CRIPTO: variants seen among roughly 807,000 people sequenced by gnomAD.
CRIPTO encodes cripto, EGF-CFC family member.
the CRIPTO span, chr3:46,579,410 G>A: frequency 1.4e-5 from 23 of 1,613,766 alleles, no homozygotes; most frequent in Non-Finnish European, 1.9e-5. Context: ...GGCCCTTCAT[G>A]TGTCTCCTGA....
chr3:46,579,851 A>G, the CRIPTO span: 7 of 1,614,178 alleles, frequency 4.3e-6, no homozygotes, highest in Non-Finnish European at 5.9e-6. Context: ...ATGTGCGCAA[A>G]GAGTAAGCAA....
the CRIPTO span, chr3:46,579,484 C>T: frequency 5.1e-6 from 8 of 1,560,324 alleles, no homozygotes; most frequent in Non-Finnish European, 7.0e-6. Context: ...AGGTGCTGGA[C>T]TGCTTTTGGT....
At chr3:46,579,236 G>A in the CRIPTO span, 6 of 1,614,092 alleles carry the variant, frequency 3.7e-6, no homozygotes, top group South Asian at 6.6e-5. Flanking sequence ...GTTAAGGGCT[G>A]GGCCATCAGG....
chr3:46,581,484 C>T, the CRIPTO span: 1 of 610,462 alleles, frequency 1.6e-6, no homozygotes, highest in Non-Finnish European at 2.9e-6. Context: ...TCAGCCATAT[C>T]TCCATTGTGC....
the CRIPTO span, chr3:46,579,479 C>A: frequency 6.4e-7 from 1 of 1,568,780 alleles, no homozygotes; most frequent in South Asian, 1.1e-5. Context: ...TGTGCAGGTG[C>A]TGGACTGCTT....
the CRIPTO span, chr3:46,577,951 C>A: frequency 6.2e-7 from 1 of 1,613,830 alleles, no homozygotes; most frequent in South Asian, 1.1e-5. Flanking sequence ...GCCTCTTTTC[C>A]CCCTAATTGT....
chr3:46,581,141 T>A, the CRIPTO span: 1 of 1,613,918 alleles, frequency 6.2e-7, no homozygotes, highest in African/African-American at 1.3e-5. Context: ...GATGGCCTTG[T>A]GATGGATGAG....
the CRIPTO span, chr3:46,581,087 T>A: frequency 2.1e-6 from 3 of 1,430,692 alleles, no homozygotes; most frequent in Non-Finnish European, 3.0e-6. Flanking sequence ...CAGGATGAAC[T>A]GCCAGAGAGG....
At chr3:46,578,407 T>A in the CRIPTO span, among the ~76,000 whole-genome samples, 1 of 151,462 alleles carries the variant, frequency 6.6e-6, no homozygotes, top group Non-Finnish European at 1.5e-5. Flanking sequence ...CCTAAAAACC[T>A]TTTAAGTGAT....
the CRIPTO span, chr3:46,579,984 G>A: frequency 1.9e-6 from 3 of 1,614,248 alleles, no homozygotes; most frequent in South Asian, 1.1e-5. Flanking sequence ...ACACCTGGCT[G>A]CCCAAGAAGT....
the CRIPTO span, chr3:46,581,720 CCAGT>C: frequency 4.8e-6 from 2 of 420,968 alleles, no homozygotes. Context: ...ACCATATTGG[CCAGT>C]CTGGTCTCGA....
chr3:46,581,112 C>A, the CRIPTO span: 3 of 1,589,624 alleles, frequency 1.9e-6, no homozygotes, highest in African/African-American at 1.3e-5. Flanking sequence ...CTTTAATGAC[C>A]AAGCATCCCT....
chr3:46,579,263 T>C, the CRIPTO span: 5 of 1,614,084 alleles, frequency 3.1e-6, no homozygotes, highest in South Asian at 1.1e-5. Context: ...CTCGTCCATC[T>C]CGGGGATACC....
the CRIPTO span, chr3:46,579,001 T>C: frequency 1.5e-6 from 2 of 1,340,944 alleles, no homozygotes; most frequent in Non-Finnish European, 2.1e-6. Flanking sequence ...CAGTGATCTG[T>C]GGTCTTGTCC....
At chr3:46,579,633 A>T in the CRIPTO span, 1,319,617 of 1,322,460 alleles carry the variant, frequency 1, 658,433 homozygotes, top group East Asian at 1. Flanking sequence ...AGGCACAGAG[A>T]CTTACTCTGA....
chr3:46,580,122 C>CTTAG, the CRIPTO span: 1 of 1,609,248 alleles, frequency 6.2e-7, no homozygotes, highest in African/African-American at 1.3e-5. Context: ...TTGGGGGGTG[C>CTTAG]TTAGTTAGCA....
At chr3:46,579,067 T>G in the CRIPTO span, 1 of 1,613,900 alleles carries the variant, frequency 6.2e-7, no homozygotes, top group Non-Finnish European at 8.5e-7. Context: ...TTTGTTTGGC[T>G]AACTCATGTC....
chr3:46,579,040 T>TGTAA, the CRIPTO span: 1 of 1,600,364 alleles, frequency 6.2e-7, no homozygotes, highest in South Asian at 1.1e-5. Flanking sequence ...GGTGTTAACT[T>TGTAA]GTAAGGTTTT....
the CRIPTO span, chr3:46,579,712 C>T: frequency 1.9e-6 from 3 of 1,609,960 alleles, no homozygotes; most frequent in Non-Finnish European, 2.5e-6. Context: ...ATCCCTACAC[C>T]CTCAGTCATC....
Sources: allele counts gnomAD v4.1 joint callset (sites outside exome capture counted in the v4.1 genomes callset), GRCh38; gene constraint gnomAD v4.1.1; transcripts MANE v1.5; gene names NCBI Gene and HGNC (gene_info 2026-07-23, HGNC 2026-07-21).